UNC5D: variants seen among roughly 807,000 people sequenced by gnomAD.
UNC5D encodes the protein unc-5 netrin receptor D, also known as netrin receptor UNC5D.
Under a neutral mutation model 105.4 loss-of-function variants are expected in UNC5D, and 39 were observed. That is an observed-to-expected ratio of 0.37 (90% confidence interval 0.29 to 0.48). UNC5D has a LOEUF of 0.48. Ranked by LOEUF, UNC5D falls within the 20% of genes least tolerant of loss-of-function variation. The probability of loss-of-function intolerance (pLI) is 0.98; values close to 1 mark genes in which losing one functional copy is unlikely to be tolerated. For missense variants in UNC5D, 991 were observed against 1,202.4 expected, an observed-to-expected ratio of 0.82 and a Z score of 2.60; for synonymous variants, 452 against 450.4, an observed-to-expected ratio of 1.00 and a Z score of -0.04.
chr8:35,237,774 C>T (rs1802564629), intron 1 of UNC5D, among the ~76,000 whole-genome samples: 1 of 152,192 alleles, frequency 6.6e-6, no homozygotes, highest in East Asian at 1.9e-4. Context: ...CATTCTGGGG[C>T]ATGAGGCCCA....
rs1811027478 is a variant in UNC5D at position 35,336,226 on chromosome 8, A to G, written c.103+100339A>G. 2.0e-5 allele frequency among the ~76,000 whole-genome samples: 3 copies of G among 152,150 alleles called. No homozygotes were observed. The South Asian group carries it at 6.2e-4, about 32-fold the overall frequency. ...TTGAAGCTGCTTCTTTGGTTGGTGCATTGTAATCTCTAGATTGAAAGCTAA... is the reference window on the plus strand; with the variant it reads ...TTGAAGCTGCTTCTTTGGTTGGTGCGTTGTAATCTCTAGATTGAAAGCTAA... On this transcript the variant is annotated intron_variant, in intron 1 of 16. Coordinates refer to ENST00000404895, the MANE Select transcript of UNC5D (RefSeq NM_080872.4).
At chr8:35,306,373 G>A (rs1480935962) in intron 1 of UNC5D, among the ~76,000 whole-genome samples, 1 of 151,884 alleles carries the variant, frequency 6.6e-6, no homozygotes, top group African/African-American at 2.4e-5. Context: ...AATTTTATAA[G>A]CATAATTGTA....
intron 1 of UNC5D, among the ~76,000 whole-genome samples, chr8:35,547,443 C>G (rs567897689): frequency 6.6e-6 from 1 of 152,180 alleles, no homozygotes; most frequent in Non-Finnish European, 1.5e-5. Flanking sequence ...AGATTACAGG[C>G]ACGTGCCACC....
Position 35,748,530 on chromosome 8 carries a change from C to T in UNC5D, c.1770C>T (p.Leu590=). 6.2e-7 allele frequency: 1 copy of T among 1,612,246 alleles called. No individual in the cohort carries two copies. The highest frequency in any genetic ancestry group is 8.5e-7 in the Non-Finnish European group (1 of 1,179,418). ...YMSINQGEPS[L]QSDGSEVLLS... ...TATCCTTTTTTCAACTGTGAAGCCTCCAGTCAGATGGCTCTGAGGTGCTCC... is the reference window on the plus strand; with the variant it reads ...TATCCTTTTTTCAACTGTGAAGCCTTCAGTCAGATGGCTCTGAGGTGCTCC... Residue 590 remains leucine (L), a synonymous_variant, in exon 12 of 17, where the codon CTC becomes CTT. Transcript: ENST00000404895.
At chr8:35,237,647 C>T (rs917850204) in intron 1 of UNC5D, among the ~76,000 whole-genome samples, 2 of 152,188 alleles carry the variant, frequency 1.3e-5, no homozygotes, top group African/African-American at 4.8e-5. Flanking sequence ...TCCTGGAAAA[C>T]ATGCTGTACA....
At chr8:35,418,083 G>A (rs1307968070) in intron 1 of UNC5D, among the ~76,000 whole-genome samples, 1 of 152,072 alleles carries the variant, frequency 6.6e-6, no homozygotes, top group African/African-American at 2.4e-5. Context: ...GCCCCCTGCA[G>A]AGTGAGTGAG....
At chr8:35,431,799 T>C (rs1474547726) in intron 1 of UNC5D, among the ~76,000 whole-genome samples, 1 of 152,142 alleles carries the variant, frequency 6.6e-6, no homozygotes, top group Non-Finnish European at 1.5e-5. Context: ...ATAATGTGTG[T>C]TTGCTTTCCA....
intron 1 of UNC5D, among the ~76,000 whole-genome samples, chr8:35,342,179 C>T (rs1009345862): frequency 3.3e-5 from 5 of 152,058 alleles, no homozygotes; most frequent in Admixed American, 6.6e-5. Flanking sequence ...TAATATAAAA[C>T]TCAGTGATCC....
chr8:35,369,827 C>T (rs942650024), intron 1 of UNC5D, among the ~76,000 whole-genome samples: 1 of 152,132 alleles, frequency 6.6e-6, no homozygotes, highest in Non-Finnish European at 1.5e-5. Flanking sequence ...TCATTAGCTC[C>T]TTCCGTGTCA....
intron 1 of UNC5D, among the ~76,000 whole-genome samples, chr8:35,367,771 T>C (rs1467004697): frequency 6.6e-6 from 1 of 152,184 alleles, no homozygotes; most frequent in Non-Finnish European, 1.5e-5. Context: ...TTGCTTCTAC[T>C]TGCTCTGATT....
intron 1 of UNC5D, among the ~76,000 whole-genome samples, chr8:35,400,802 A>G (rs1364372845): frequency 6.6e-6 from 1 of 152,220 alleles, no homozygotes; most frequent in Non-Finnish European, 1.5e-5. Flanking sequence ...GGTGGGGAAC[A>G]GTAAGAGAAG....
intron 1 of UNC5D, among the ~76,000 whole-genome samples, chr8:35,331,799 A>G (rs1161932181): frequency 6.6e-6 from 1 of 152,158 alleles, no homozygotes; most frequent in Non-Finnish European, 1.5e-5. Flanking sequence ...TACTGACTAT[A>G]GGACATCTGC....
intron 1 of UNC5D, among the ~76,000 whole-genome samples, chr8:35,420,383 C>T (rs535031805): frequency 5.9e-5 from 9 of 152,240 alleles, no homozygotes; most frequent in Non-Finnish European, 1.3e-4. Flanking sequence ...ATGAACACAG[C>T]GTTTTCTCTT....
At chr8:35,462,912 G>A (rs1245636494) in intron 1 of UNC5D, among the ~76,000 whole-genome samples, 2 of 152,094 alleles carry the variant, frequency 1.3e-5, no homozygotes, top group African/African-American at 4.8e-5. Flanking sequence ...TCCTTACAAA[G>A]GTATAACCAT....
At chr8:35,413,660 A>G (rs1490908381) in intron 1 of UNC5D, among the ~76,000 whole-genome samples, 1 of 152,092 alleles carries the variant, frequency 6.6e-6, no homozygotes. Context: ...GGAACTTGTC[A>G]TAGAGTACAA....
At chr8:35,769,843 G>A (rs867057472) in intron 15 of UNC5D, among the ~76,000 whole-genome samples, 2 of 152,156 alleles carry the variant, frequency 1.3e-5, no homozygotes, top group Middle Eastern at 3.4e-3. Flanking sequence ...GGTGCCTGTA[G>A]TCCCAGCTAC....
intron 7 of UNC5D, among the ~76,000 whole-genome samples, chr8:35,691,190 A>G (rs574093504): frequency 6.6e-6 from 1 of 152,332 alleles, no homozygotes; most frequent in South Asian, 2.1e-4. Context: ...GCTCTCAACA[A>G]GAAAATAAAT....
chr8:35,670,857 C>A (rs1824745273), intron 4 of UNC5D, among the ~76,000 whole-genome samples: 1 of 151,978 alleles, frequency 6.6e-6, no homozygotes. Flanking sequence ...GCACATGTAT[C>A]CTGGAACTTA....
chr8:35,270,057 T>C (rs1243350656), intron 1 of UNC5D, among the ~76,000 whole-genome samples: 2 of 152,140 alleles, frequency 1.3e-5, no homozygotes, highest in Non-Finnish European at 2.9e-5. Context: ...ATCTCTTGTG[T>C]ATATCAGAAG....
Sources: allele counts gnomAD v4.1 joint callset (sites outside exome capture counted in the v4.1 genomes callset), GRCh38; gene constraint gnomAD v4.1.1; transcripts MANE v1.5; gene names NCBI Gene and HGNC (gene_info 2026-07-23, HGNC 2026-07-21).